The following WWOX variants were observed in gnomAD, a reference collection of about 807,000 sequenced individuals.
WWOX encodes the protein WW domain-containing oxidoreductase.
A neutral mutation model predicts 46.2 loss-of-function variants in WWOX; 69 were observed. That is an observed-to-expected ratio of 1.49 (90% CI 1.23 to 1.82). The LOEUF (loss-of-function observed/expected upper bound fraction) is 1.82, where lower values mean the gene tolerates loss of function less well. Ranked by LOEUF, WWOX falls within the 40% of genes most tolerant of loss-of-function variation. The pLI, the probability that WWOX is intolerant of heterozygous loss-of-function variation, is 0.00. For missense variants in WWOX, 919 were observed against 542.6 expected (o/e 1.69, Z -6.89); for synonymous variants, 359 against 202.6 (o/e 1.77, Z -6.56).
intron 8 of WWOX, among the ~76,000 whole-genome samples, chr16:78,808,222 C>T (rs947646836): frequency 1.3e-5 from 2 of 152,194 alleles, no homozygotes; most frequent in Non-Finnish European, 2.9e-5. Context: ...TCCTGTGATA[C>T]CCATAGGGAC....
At chr16:78,418,887 G>C (rs973265379) in intron 6 of WWOX, among the ~76,000 whole-genome samples, 4 of 151,910 alleles carry the variant, frequency 2.6e-5, no homozygotes, top group Non-Finnish European at 4.4e-5. Context: ...CAAGAAATAA[G>C]ACAAGGATAT....
At chr16:78,646,223 A>G (rs7197623) in intron 8 of WWOX, among the ~76,000 whole-genome samples, 69,186 of 151,842 alleles carry the variant, frequency 0.46, 18,395 homozygotes, top group Middle Eastern at 0.62. Context: ...ATCTTGCTCT[A>G]TTGCCAGGCT....
chr16:78,987,749 C>A (rs960174097), intron 8 of WWOX, among the ~76,000 whole-genome samples: 2 of 152,188 alleles, frequency 1.3e-5, no homozygotes, highest in African/African-American at 4.8e-5. Flanking sequence ...GGCCCAAACT[C>A]TCTGTGTCCT....
intron 8 of WWOX, among the ~76,000 whole-genome samples, chr16:78,567,453 T>C (rs886499216): frequency 6.9e-6 from 1 of 144,014 alleles, no homozygotes; most frequent in African/African-American, 2.6e-5. Flanking sequence ...CTCCGGAGGC[T>C]GAGACAGGAG....
intron 8 of WWOX, chr16:78,691,288 CTT>C (rs2047981947): frequency 2.8e-6 from 2 of 702,188 alleles, no homozygotes; most frequent in Non-Finnish European, 5.2e-6. Flanking sequence ...TTGTCAGTGA[CTT>C]TGGTGAGTTC....
chr16:78,116,256 T>C (rs565290728), intron 4 of WWOX, among the ~76,000 whole-genome samples: 1 of 152,322 alleles, frequency 6.6e-6, no homozygotes, highest in African/African-American at 2.4e-5. Context: ...TTTCTTTCTA[T>C]CTTTTTTGTA....
chr16:79,154,183 A>G (rs999357456), intron 8 of WWOX, among the ~76,000 whole-genome samples: 1 of 152,240 alleles, frequency 6.6e-6, no homozygotes, highest in Non-Finnish European at 1.5e-5. Flanking sequence ...ATGCCACTAC[A>G]GATCGACACC....
At chr16:78,852,807 T>C (rs981484195) in intron 8 of WWOX, among the ~76,000 whole-genome samples, 5 of 152,220 alleles carry the variant, frequency 3.3e-5, no homozygotes, top group African/African-American at 1.2e-4. Flanking sequence ...TCCACCTGTT[T>C]CTTGAGGTTA....
At chr16:78,164,052 C>T (rs937585394) in intron 4 of WWOX, 131 bp from the exon 5 acceptor site, 28 of 837,220 alleles carry the variant, frequency 3.3e-5, no homozygotes, top group African/African-American at 3.0e-4. Context: ...TTGCTTCTGT[C>T]CCCTGGGGAT....
intron 5 of WWOX, among the ~76,000 whole-genome samples, chr16:78,377,991 A>G (rs867780334): frequency 6.6e-6 from 1 of 151,614 alleles, no homozygotes; most frequent in South Asian, 2.1e-4. Context: ...GTATTTTGGC[A>G]GGGGGAGGTA....
rs144820896 is a variant in WWOX at position 78,556,057 on chromosome 16, G to A, written c.1056+123305G>A. On this transcript the variant is annotated intron_variant, in intron 8 of 8. Coordinates refer to ENST00000566780, the MANE Select transcript of WWOX (RefSeq NM_016373.4). ...AGCCAGGCCCGGGCTATTAATCATCGCCCTCCATTATTTCCTGAAGATTCA... is the reference window on the plus strand; with the variant it reads ...AGCCAGGCCCGGGCTATTAATCATCACCCTCCATTATTTCCTGAAGATTCA... 6.0e-3 allele frequency among the ~76,000 whole-genome samples: 907 copies of A among 152,086 alleles called. 7 individuals carry two copies. Among genetic ancestry groups the A allele is most frequent in the Non-Finnish European group, 7.3e-3 (495 of 67,986 alleles).
intron 5 of WWOX, among the ~76,000 whole-genome samples, chr16:78,172,411 C>G (rs187792948): frequency 3.5e-4 from 53 of 152,230 alleles, no homozygotes; most frequent in Middle Eastern, 6.8e-3. Flanking sequence ...TTATTCATCC[C>G]CCTCATAGAC....
At chr16:79,185,137 G>A (rs566532851) in intron 8 of WWOX, among the ~76,000 whole-genome samples, 94 of 152,292 alleles carry the variant, frequency 6.2e-4, no homozygotes, top group African/African-American at 2.2e-3. Flanking sequence ...GGCTGAGGGG[G>A]AGAGGCCCCT....
intron 8 of WWOX, chr16:78,896,255 A>T (rs574509719): frequency 6.6e-6 from 1 of 152,104 alleles, no homozygotes; most frequent in African/African-American, 2.4e-5. Flanking sequence ...GTTGTTTCCA[A>T]TTGTTTTTGT....
At chr16:78,439,427 G>C (rs926929017) in intron 8 of WWOX, among the ~76,000 whole-genome samples, 2 of 152,152 alleles carry the variant, frequency 1.3e-5, no homozygotes, top group South Asian at 4.1e-4. Flanking sequence ...CTTCTTGCAG[G>C]AAGAAACATA....
chr16:78,571,027 G>T (rs910278826), intron 8 of WWOX, among the ~76,000 whole-genome samples: 1 of 152,172 alleles, frequency 6.6e-6, no homozygotes, highest in Non-Finnish European at 1.5e-5. Context: ...ACTTGTTCAT[G>T]TAATCTGTGA....
At chr16:78,695,706 G>C (rs1162578863) in intron 8 of WWOX, among the ~76,000 whole-genome samples, 1 of 152,214 alleles carries the variant, frequency 6.6e-6, no homozygotes, top group Non-Finnish European at 1.5e-5. Flanking sequence ...AAGGAATGAA[G>C]GATCAAGTTG....
intron 8 of WWOX, among the ~76,000 whole-genome samples, chr16:78,479,858 A>G (rs1321369375): frequency 1.3e-5 from 2 of 152,220 alleles, no homozygotes; most frequent in Admixed American, 6.5e-5. Flanking sequence ...GAGGCCTCCA[A>G]TAATGTTGAC....
intron 8 of WWOX, among the ~76,000 whole-genome samples, chr16:79,024,589 AT>A (rs1165743710): frequency 6.6e-6 from 1 of 151,892 alleles, no homozygotes; most frequent in African/African-American, 2.4e-5. Context: ...ACCCACCACC[AT>A]GCCTGGCTAA....
Sources: allele counts gnomAD v4.1 joint callset (sites outside exome capture counted in the v4.1 genomes callset), GRCh38; gene constraint gnomAD v4.1.1; transcripts MANE v1.5; gene names NCBI Gene and HGNC (gene_info 2026-07-23, HGNC 2026-07-21).